C3orf52: variants seen among roughly 807,000 people sequenced by gnomAD.
C3orf52 encodes the protein TPA-induced transmembrane protein.
In C3orf52, 22 loss-of-function variants were observed where a neutral mutation model predicts 24.8. That is an observed-to-expected ratio of 0.89 (90% confidence interval 0.63 to 1.27). C3orf52 has a LOEUF of 1.27. Ranked by LOEUF, C3orf52 falls within the 50% of genes most tolerant of loss-of-function variation. C3orf52 has a pLI of 0.00. For synonymous variants in C3orf52, 93 were observed against 100.2 expected, an observed-to-expected ratio of 0.93 and a Z score of 0.43; for missense variants, 265 against 260.7, an observed-to-expected ratio of 1.02 and a Z score of -0.11.
chr3:112,117,259 A>G lies in C3orf52; in HGVS notation c.*613A>G. ...GAAGAAAAGGAAGGCACTTTAGAAG[A>G]CCTCAGCAGTGTGGTTCTGTGTCTA... On this transcript the variant is annotated 3_prime_UTR_variant, in exon 6 of 6. Coordinates refer to ENST00000264848, the MANE Select transcript of C3orf52 (RefSeq NM_024616.3). The G allele has an allele frequency of 2.3e-6, 1 of 443,366 alleles. No individual in the cohort carries two copies. Among genetic ancestry groups the G allele is most frequent in the Non-Finnish European group, 4.0e-6 (1 of 247,802 alleles). 27.5% of individuals were successfully genotyped at this position (443,366 alleles called of 1,614,324 possible).
At chr3:112,125,204 A>G in intron 4 of C3orf52, 1 of 1,506,276 alleles carries the variant, frequency 6.6e-7, no homozygotes, top group Non-Finnish European at 9.2e-7. Flanking sequence ...CTCAAAAAAT[A>G]GCTTAGAGAT....
At chr3:112,094,824 C>T (rs534612532) in intron 2 of C3orf52, among the ~76,000 whole-genome samples, 1 of 152,210 alleles carries the variant, frequency 6.6e-6, no homozygotes, top group East Asian at 1.9e-4. Context: ...TAGAGAGGGG[C>T]TCGACTGAGG....
intron 4 of C3orf52, among the ~76,000 whole-genome samples, chr3:112,124,663 C>G (rs1274619740): frequency 6.6e-6 from 1 of 151,938 alleles, no homozygotes; most frequent in African/African-American, 2.4e-5. Flanking sequence ...TGTGTTTTGG[C>G]TGTGATATTT....
the C3orf52 span, among the ~76,000 whole-genome samples, chr3:112,136,010 G>A: frequency 6.6e-6 from 1 of 152,154 alleles, no homozygotes; most frequent in Non-Finnish European, 1.5e-5. Context: ...TAATGTCCAT[G>A]TGCAGTCTCC....
chr3:112,103,250 A>G (rs1576141960), intron 3 of C3orf52, among the ~76,000 whole-genome samples: 1 of 152,334 alleles, frequency 6.6e-6, no homozygotes, highest in East Asian at 1.9e-4. Flanking sequence ...CAGGAAAAAA[A>G]GTAACTATTG....
At chr3:112,127,043 AAAAGC>A (rs766329907) in intron 4 of C3orf52, 1 of 1,556,564 alleles carries the variant, frequency 6.4e-7, no homozygotes, top group South Asian at 1.1e-5. Context: ...CCTGTAAAAG[AAAAGC>A]AAAGCAAATT....
intron 4 of C3orf52, 67 bp from the exon 5 acceptor site, chr3:112,112,897 C>G: frequency 8.5e-6 from 11 of 1,292,360 alleles, no homozygotes; most frequent in South Asian, 1.3e-5. Context: ...AAAGTTATTG[C>G]TTAAATTCAT....
At chr3:112,133,206 A>G, downstream of C3orf52, 1 of 1,464,582 alleles carries the variant, frequency 6.8e-7, no homozygotes, top group Non-Finnish European at 9.6e-7. Flanking sequence ...CCTGACTTAA[A>G]GAAAGGGCTG....
chr3:112,106,313 A>C (rs1205044878), intron 3 of C3orf52, among the ~76,000 whole-genome samples: 1 of 151,808 alleles, frequency 6.6e-6, no homozygotes, highest in East Asian at 1.9e-4. Flanking sequence ...GGCTGATATC[A>C]AGCTCCTGGC....
At chr3:112,086,998 A>T (rs534891323) in intron 1 of C3orf52, among the ~76,000 whole-genome samples, 3 of 150,116 alleles carry the variant, frequency 2.0e-5, no homozygotes, top group African/African-American at 7.4e-5. Flanking sequence ...CCCTCCACCC[A>T]CCTCGCCGCA....
downstream of C3orf52, chr3:112,133,441 G>C (rs115753842): frequency 3.3e-6 from 1 of 306,194 alleles, no homozygotes; most frequent in African/African-American, 2.2e-5. Flanking sequence ...TGGGCCATGG[G>C]AGTTTTTCCA....
intron 3 of C3orf52, among the ~76,000 whole-genome samples, chr3:112,107,422 GTCAGCCTA>G (rs2074036168): frequency 6.6e-6 from 1 of 152,180 alleles, no homozygotes; most frequent in Admixed American, 6.5e-5. Flanking sequence ...CTAAATGACT[GTCAGCCTA>G]TCGGCAACAT....
downstream of C3orf52, chr3:112,121,447 G>A (rs1315677900): frequency 2.0e-5 from 3 of 152,176 alleles, no homozygotes; most frequent in Non-Finnish European, 4.4e-5. Context: ...TGCATTAGAT[G>A]TAATCCTCCT....
intron 1 of C3orf52, among the ~76,000 whole-genome samples, chr3:112,088,600 G>A (rs1444431078): frequency 6.6e-6 from 1 of 150,800 alleles, no homozygotes; most frequent in Non-Finnish European, 1.5e-5. Context: ...ACTCAGTGGT[G>A]CCTCTGAAGC....
intron 1 of C3orf52, among the ~76,000 whole-genome samples, chr3:112,091,827 A>AC (rs2073879766): frequency 1.3e-5 from 2 of 151,732 alleles, no homozygotes; most frequent in South Asian, 4.2e-4. Flanking sequence ...ACACAGTGAA[A>AC]CCCCGTCTCT....
At position 112,123,863 on chromosome 3, in the gene C3orf52, G is replaced by C. The variant is rs144228314; in HGVS notation, c.*46+4301G>C. On this transcript the variant is annotated intron_variant, in intron 4 of 4. Coordinates refer to the C3orf52 transcript ENST00000480282. ...CAACACAGGCTTGACCCTTGGTCAA[G>C]TCTGTCTTCTATGACCACCTCCTCC... 7.2e-3 allele frequency: 10,019 copies of C among 1,389,230 alleles called. 45 individuals are homozygous for C. The highest frequency in any genetic ancestry group is 8.8e-3 in the Non-Finnish European group (8,999 of 1,026,424). 86.1% of individuals were successfully genotyped at this position (1,389,230 alleles called of 1,614,324 possible).
At position 112,109,583 on chromosome 3, in the gene C3orf52, A is replaced by G; in HGVS notation, c.437A>G (p.Tyr146Cys). Residue 146 changes from tyrosine (Y) to cysteine (C), a missense_variant, in exon 4 of 6, where the codon TAT (tyrosine) becomes TGT (cysteine). Transcript: ENST00000264848. ...VYSTSPSLGR[Y>C]FTSVEIVDFS... The stretch of plus-strand genomic sequence containing the variant: ...AGTACATCGCCCTCTCTGGGTCGTT[A>G]TTTTACTTCAGTTGAAATAGTGGAC... The G allele has an allele frequency of 1.9e-6, 3 of 1,602,136 alleles. No homozygotes were observed. The highest frequency in any genetic ancestry group is 2.6e-6 in the Non-Finnish European group (3 of 1,169,940).
downstream of C3orf52, chr3:112,132,616 A>T (rs1363252254): frequency 3.1e-6 from 3 of 983,512 alleles, no homozygotes; most frequent in Non-Finnish European, 2.4e-6. Flanking sequence ...TGCCTATTTA[A>T]TCTAGATGAC....
chr3:112,118,436 A>G (rs1364910472), downstream of C3orf52, among the ~76,000 whole-genome samples: 1 of 152,192 alleles, frequency 6.6e-6, no homozygotes, highest in Non-Finnish European at 1.5e-5. Flanking sequence ...CCTCTCTGGC[A>G]GGACTTGGTA....
Sources: allele counts gnomAD v4.1 joint callset (sites outside exome capture counted in the v4.1 genomes callset), GRCh38; gene constraint gnomAD v4.1.1; transcripts MANE v1.5; gene names NCBI Gene and HGNC (gene_info 2026-07-23, HGNC 2026-07-21).